The following COBL variants were observed in gnomAD, a reference collection of about 807,000 sequenced individuals.
COBL encodes the protein protein cordon-bleu.
A neutral mutation model predicts 98.8 loss-of-function variants in COBL; 51 were observed. The ratio of observed to expected loss-of-function variants is 0.52; its 90% CI spans 0.41 to 0.65. The LOEUF (loss-of-function observed/expected upper bound fraction) is 0.65. COBL is among the 30% of genes least tolerant of loss of function. COBL has a pLI of 0.00. For missense variants in COBL, 1,617 were observed against 1,617.5 expected (o/e 1.00, Z 0.01); for synonymous variants, 634 against 651.7 (o/e 0.97, Z 0.41).
chr7:51,049,426 A>G (rs1790025387), intron 7 of COBL, among the ~76,000 whole-genome samples: 1 of 152,198 alleles, frequency 6.6e-6, no homozygotes, highest in Non-Finnish European at 1.5e-5. Flanking sequence ...TCTCAGGCAC[A>G]TGAATTCCAG....
At chr7:51,185,165 C>T (rs1789372145) in intron 4 of COBL, among the ~76,000 whole-genome samples, 1 of 152,190 alleles carries the variant, frequency 6.6e-6, no homozygotes, top group South Asian at 2.1e-4. Flanking sequence ...TGTCTGTCAG[C>T]TGACAAGACA....
chr7:51,302,183 T>A (rs995058846), intron 1 of COBL, among the ~76,000 whole-genome samples: 2 of 151,940 alleles, frequency 1.3e-5, no homozygotes, highest in Admixed American at 1.3e-4. Context: ...TTGGAGGGGG[T>A]CACATAAATA....
chr7:51,247,074 C>T (rs905884172), intron 1 of COBL, among the ~76,000 whole-genome samples: 2 of 152,210 alleles, frequency 1.3e-5, no homozygotes, highest in East Asian at 1.9e-4. Context: ...GTGGTCATCG[C>T]GGAATCTTGT....
At chr7:51,214,307 A>AT (rs1792800186) in intron 2 of COBL, among the ~76,000 whole-genome samples, 1 of 151,354 alleles carries the variant, frequency 6.6e-6, no homozygotes, top group African/African-American at 2.4e-5. Flanking sequence ...AAATAAATAA[A>AT]TAAATAAATA....
chr7:51,299,736 CTCT>C (rs2129200740), intron 1 of COBL, among the ~76,000 whole-genome samples: 1 of 152,288 alleles, frequency 6.6e-6, no homozygotes, highest in Non-Finnish European at 1.5e-5. Flanking sequence ...CAGTGTCCTC[CTCT>C]TCAAGAAAGT....
intron 6 of COBL, among the ~76,000 whole-genome samples, chr7:51,108,406 TG>T (rs1161672961): frequency 2.0e-5 from 3 of 152,150 alleles, no homozygotes; most frequent in African/African-American, 7.2e-5. Flanking sequence ...GGGGTGAGCC[TG>T]GGGATGCTGT....
At chr7:51,240,470 C>T (rs1349401369) in intron 1 of COBL, among the ~76,000 whole-genome samples, 1 of 152,234 alleles carries the variant, frequency 6.6e-6, no homozygotes, top group East Asian at 1.9e-4. Context: ...TTGAGTGCGG[C>T]TCAAGTGAAC....
At chr7:51,227,106 C>T (rs910123287) in intron 1 of COBL, among the ~76,000 whole-genome samples, 7 of 152,262 alleles carry the variant, frequency 4.6e-5, no homozygotes, top group Middle Eastern at 3.4e-3. Flanking sequence ...CATACTAGAA[C>T]GCTGGTGCCC....
At chr7:51,296,885 T>A (rs566246944) in intron 1 of COBL, among the ~76,000 whole-genome samples, 1 of 152,182 alleles carries the variant, frequency 6.6e-6, no homozygotes, top group Non-Finnish European at 1.5e-5. Context: ...TTCAACTAAA[T>A]AGAACTCCCA....
At chr7:51,066,214 G>A (rs1791906440) in intron 7 of COBL, among the ~76,000 whole-genome samples, 1 of 152,160 alleles carries the variant, frequency 6.6e-6, no homozygotes, top group South Asian at 2.1e-4. Flanking sequence ...TCCTTCCTCT[G>A]GAGTCAAGCC....
At chr7:51,034,878 A>C (rs1165613277) in intron 8 of COBL, 1 of 152,256 alleles carries the variant, frequency 6.6e-6, no homozygotes, top group Non-Finnish European at 1.5e-5. Context: ...AATGCAAACA[A>C]ACACAGGGAA....
chr7:51,171,114 A>C (rs564946606), intron 5 of COBL, among the ~76,000 whole-genome samples: 1 of 152,218 alleles, frequency 6.6e-6, no homozygotes, highest in South Asian at 2.1e-4. Flanking sequence ...TTTTCTCCAA[A>C]AGAGTGCCTA....
At chr7:51,088,038 G>A (rs1218056584) in intron 6 of COBL, among the ~76,000 whole-genome samples, 2 of 147,570 alleles carry the variant, frequency 1.4e-5, no homozygotes, top group African/African-American at 5.1e-5. Flanking sequence ...CCAGAGTGGG[G>A]CTCAATCTTC....
intron 8 of COBL, chr7:51,034,790 C>A (rs1788472578): frequency 6.6e-6 from 1 of 152,102 alleles, no homozygotes. Flanking sequence ...GGGCTTCCTT[C>A]CCCCCCACCA....
intron 7 of COBL, chr7:51,072,538 C>A (rs1792668407): frequency 1.3e-5 from 2 of 152,150 alleles, no homozygotes; most frequent in African/African-American, 4.8e-5. Context: ...GCCTGGGGAG[C>A]CACAGGTAGT....
intron 7 of COBL, among the ~76,000 whole-genome samples, chr7:51,075,602 G>C (rs1792992452): frequency 6.6e-6 from 1 of 152,136 alleles, no homozygotes; most frequent in South Asian, 2.1e-4. Flanking sequence ...TTCAGCCATT[G>C]GTTTGCAAAA....
chr7:51,043,404 C>A lies in COBL; in HGVS notation c.1385G>T (p.Gly462Val). The change falls in exon 8 of 13, where the codon GGC becomes GTC. Residue 462 changes from glycine (G) to valine (V), a missense_variant. This residue lies in a region of COBL where 1,304 missense variants were observed against 1,282.0 expected (regional missense o/e 1.02). Coordinates refer to ENST00000265136, the MANE Select transcript of COBL (RefSeq NM_015198.5). ...PQKSPLWEKNGSENSHLRTEK... is the reference protein window; with the variant it reads ...PQKSPLWEKNVSENSHLRTEK... The stretch of plus-strand genomic sequence containing the variant: ...TCACCTCAGATGTGAGTTCTCAGAG[C>A]CATTCTTCTCCCACAAGGGGCTCTT... 1.2e-6 allele frequency: 2 copies of A among 1,614,156 alleles called. No individual in the cohort carries two copies. The highest frequency in any genetic ancestry group is 1.3e-5 in the African/African-American group (1 of 75,052).
intron 5 of COBL, among the ~76,000 whole-genome samples, chr7:51,171,594 T>G (rs1340441770): frequency 1.3e-5 from 2 of 152,324 alleles, no homozygotes; most frequent in East Asian, 3.9e-4. Context: ...AAGAAAAATT[T>G]ACTTTCCATG....
chr7:51,106,367 C>A (rs115562232), intron 6 of COBL, among the ~76,000 whole-genome samples: 2 of 152,138 alleles, frequency 1.3e-5, no homozygotes, highest in Non-Finnish European at 1.5e-5. Context: ...GCAGTGCCGA[C>A]CCCTGTGTGT....
Sources: gnomAD v4.1 joint callset for allele counts (sites outside exome capture counted in the v4.1 genomes callset) on GRCh38, gnomAD v4.1.1 for gene constraint, gnomAD v4.1.1 regional missense constraint, MANE v1.5 for transcripts, NCBI Gene and HGNC (gene_info 2026-07-23, HGNC 2026-07-21) for gene names.